GRIN2B: variants seen among roughly 807,000 people sequenced by gnomAD.
GRIN2B encodes glutamate ionotropic receptor NMDA type subunit 2B.
A neutral mutation model predicts 114.5 loss-of-function variants in GRIN2B; 5 were observed. That is an observed-to-expected ratio of 0.04 (90% confidence interval 0.02 to 0.09). The LOEUF (loss-of-function observed/expected upper bound fraction) is 0.09. Among genes scored for constraint, GRIN2B ranks in the 10% least tolerant of loss-of-function variants. The pLI is 1.00. For synonymous variants in GRIN2B, 787 were observed against 745.1 expected, an observed-to-expected ratio of 1.06 and a Z score of -0.92; for missense variants, 1,108 against 1,943.5, an observed-to-expected ratio of 0.57 and a Z score of 8.08.
rs755997043 is a variant in GRIN2B at position 13,571,794 on chromosome 12, C to G, written c.2171+10G>C. On this transcript the variant is annotated intron_variant, in intron 11 of 13. Coordinates refer to ENST00000609686, the MANE Select transcript of GRIN2B (RefSeq NM_000834.5). ...AGATCAAGGACTCTGAGCTTGGAAG[C>G]AGTTCTTACCCTGTTTTCAGGGAGA... The G allele has an allele frequency of 6.2e-7, 1 of 1,613,970 alleles. No homozygotes were observed. The highest frequency in any genetic ancestry group is 1.1e-5 in the South Asian group (1 of 91,084).
chr12:13,685,885 G>T (rs1565499835), intron 4 of GRIN2B, among the ~76,000 whole-genome samples: 2 of 152,128 alleles, frequency 1.3e-5, no homozygotes, highest in Admixed American at 1.3e-4. Context: ...GCACATTCTG[G>T]AGAACAGCTT....
At chr12:13,603,145 G>A (rs777475199) in intron 10 of GRIN2B, among the ~76,000 whole-genome samples, 5 of 152,130 alleles carry the variant, frequency 3.3e-5, no homozygotes, top group Non-Finnish European at 5.9e-5. Context: ...GTCAATTTGA[G>A]GGCCATTAGC....
chr12:13,695,275 C>A (rs1591681292), intron 4 of GRIN2B, among the ~76,000 whole-genome samples: 1 of 152,202 alleles, frequency 6.6e-6, no homozygotes, highest in African/African-American at 2.4e-5. Flanking sequence ...TTCTACCTTG[C>A]CAAACACTGG....
chr12:13,909,787 C>T (rs1005407294), intron 2 of GRIN2B, among the ~76,000 whole-genome samples: 4 of 152,166 alleles, frequency 2.6e-5, no homozygotes, highest in Admixed American at 2.0e-4. Flanking sequence ...TGCTGTAAAT[C>T]ACAGACAAAT....
At chr12:13,709,528 T>C (rs1273041440) in intron 4 of GRIN2B, among the ~76,000 whole-genome samples, 2 of 152,002 alleles carry the variant, frequency 1.3e-5, no homozygotes, top group Non-Finnish European at 2.9e-5. Flanking sequence ...TAATGGTTAA[T>C]ATAAAAAATA....
intron 10 of GRIN2B, among the ~76,000 whole-genome samples, chr12:13,576,896 A>AT (rs1466058690): frequency 1.3e-5 from 2 of 152,158 alleles, no homozygotes; most frequent in Non-Finnish European, 2.9e-5. Flanking sequence ...GCTTCCTTGA[A>AT]TGTGGAATCT....
chr12:13,921,849 T>C (rs1253170372), intron 2 of GRIN2B, among the ~76,000 whole-genome samples: 4 of 152,174 alleles, frequency 2.6e-5, no homozygotes, highest in Non-Finnish European at 5.9e-5. Context: ...GATATATTAT[T>C]CCCTGAATTG....
chr12:13,628,686 T>C (rs1591649526), intron 5 of GRIN2B, among the ~76,000 whole-genome samples: 2 of 152,332 alleles, frequency 1.3e-5, no homozygotes, highest in Middle Eastern at 3.4e-3. Flanking sequence ...GAGAGCTGCT[T>C]TTATCACTGC....
At position 13,549,217 on chromosome 12, in the gene GRIN2B, G is replaced by A. The variant is rs1294473675; in HGVS notation, c.*13566C>T. ...GTTGTTGCAAGATTCTCTGATCTGCGGGTGCTTAATAAATAATTCACCATT... is the reference window on the plus strand; with the variant it reads ...GTTGTTGCAAGATTCTCTGATCTGCAGGTGCTTAATAAATAATTCACCATT... On this transcript the variant is annotated 3_prime_UTR_variant, in exon 14 of 14. Coordinates refer to ENST00000609686, the MANE Select transcript of GRIN2B (RefSeq NM_000834.5). 6.6e-6 allele frequency: 1 copy of A among 152,104 alleles called. No homozygotes were observed. Among genetic ancestry groups the A allele is most frequent in the Admixed American group, 6.5e-5 (1 of 15,272 alleles). 9.4% of individuals were successfully genotyped at this position (152,104 alleles called of 1,614,324 possible).
At chr12:13,791,892 A>G (rs1864328214) in intron 3 of GRIN2B, among the ~76,000 whole-genome samples, 1 of 152,178 alleles carries the variant, frequency 6.6e-6, no homozygotes, top group Non-Finnish European at 1.5e-5. Context: ...TCTATCGAAC[A>G]TCAGGTCTCA....
chr12:13,908,016 T>C (rs1012557771), intron 2 of GRIN2B, among the ~76,000 whole-genome samples: 1 of 152,156 alleles, frequency 6.6e-6, no homozygotes, highest in African/African-American at 2.4e-5. Context: ...TAATTCAACT[T>C]TTCAGCAGGG....
chr12:13,850,231 C>T (rs374462292), intron 3 of GRIN2B, among the ~76,000 whole-genome samples: 2 of 152,188 alleles, frequency 1.3e-5, no homozygotes, highest in South Asian at 4.1e-4. Flanking sequence ...AGGATACTCT[C>T]TTCCTTGTCA....
chr12:13,593,052 C>T (rs11055533), intron 10 of GRIN2B, among the ~76,000 whole-genome samples: 1 of 152,140 alleles, frequency 6.6e-6, no homozygotes, highest in Non-Finnish European at 1.5e-5. Context: ...TACTGAACCA[C>T]TAATTTTTCA....
chr12:13,980,934 GCACTCACACTCACCCC>G (rs1247342808), intron 1 of GRIN2B, among the ~76,000 whole-genome samples: 3 of 152,004 alleles, frequency 2.0e-5, no homozygotes, highest in Non-Finnish European at 4.4e-5. Context: ...CGCCCCGCGC[GCACTCACACTCACCCC>G]CGCGCACACT....
intron 5 of GRIN2B, among the ~76,000 whole-genome samples, chr12:13,652,334 A>G (rs892005181): frequency 9.2e-5 from 14 of 151,992 alleles, no homozygotes; most frequent in African/African-American, 3.4e-4. Flanking sequence ...GGTGTAATAA[A>G]TGCATGGATG....
chr12:13,765,689 T>A (rs1165965283), intron 3 of GRIN2B, among the ~76,000 whole-genome samples: 1 of 152,260 alleles, frequency 6.6e-6, no homozygotes, highest in African/African-American at 2.4e-5. Flanking sequence ...ATGCTGTCCA[T>A]GCAGTATGTG....
At chr12:13,719,074 A>G (rs912431056) in intron 4 of GRIN2B, among the ~76,000 whole-genome samples, 34 of 152,052 alleles carry the variant, frequency 2.2e-4, no homozygotes, top group African/African-American at 7.9e-4. Context: ...ACAGCTCCTC[A>G]TACACTGAAA....
chr12:13,784,095 G>T (rs1462497123), intron 3 of GRIN2B, among the ~76,000 whole-genome samples: 1 of 151,730 alleles, frequency 6.6e-6, no homozygotes, highest in Non-Finnish European at 1.5e-5. Context: ...ATGGTGGCAG[G>T]CACCTGTAGT....
chr12:13,729,109 A>G (rs1021811204), intron 4 of GRIN2B, among the ~76,000 whole-genome samples: 5 of 152,312 alleles, frequency 3.3e-5, no homozygotes, highest in Middle Eastern at 3.4e-3. Context: ...AAAGTCTAAG[A>G]GGGATGTTTT....
Sources: allele counts gnomAD v4.1 joint callset (sites outside exome capture counted in the v4.1 genomes callset), GRCh38; gene constraint gnomAD v4.1.1; transcripts MANE v1.5; gene names NCBI Gene and HGNC (gene_info 2026-07-23, HGNC 2026-07-21).